PHIP: variants seen among roughly 807,000 people sequenced by gnomAD.
PHIP encodes PH-interacting protein.
In PHIP, 54 loss-of-function variants were observed where a neutral mutation model predicts 236.8. The observed-to-expected ratio is 0.23, with a 90% CI of 0.18 to 0.29. PHIP has a LOEUF of 0.29. Among genes scored for constraint, PHIP ranks in the 10% least tolerant of loss-of-function variants. PHIP has a pLI of 1.00. For missense variants in PHIP, 1,370 were observed against 2,190.8 expected (o/e 0.63, Z 7.48); for synonymous variants, 756 against 718.9 (o/e 1.05, Z -0.83).
chr6:78,993,491 T>TA (rs1308061088), intron 19 of PHIP, among the ~76,000 whole-genome samples: 1 of 152,240 alleles, frequency 6.6e-6, no homozygotes, highest in African/African-American at 2.4e-5. Context: ...TCTTAGGGGC[T>TA]AATACAGCTA....
intron 35 of PHIP, 140 bp from the exon 36 acceptor site, chr6:78,947,915 G>T: frequency 2.2e-6 from 1 of 460,514 alleles, no homozygotes; most frequent in South Asian, 6.6e-5. Context: ...CTTATCAAGA[G>T]TCCCTTTTTT....
chr6:78,994,485 G>A (rs1055900181), intron 19 of PHIP, among the ~76,000 whole-genome samples: 9 of 152,180 alleles, frequency 5.9e-5, no homozygotes, highest in Non-Finnish European at 7.3e-5. Context: ...GCTGAGGCAG[G>A]GGAATTGCTT....
At chr6:78,967,809 G>C (rs149393007) in intron 27 of PHIP, among the ~76,000 whole-genome samples, 2 of 151,942 alleles carry the variant, frequency 1.3e-5, no homozygotes, top group African/African-American at 4.8e-5. Flanking sequence ...TATTTGTTCC[G>C]CAATTTATTG....
At chr6:79,012,821 A>G (rs1770657495) in intron 15 of PHIP, among the ~76,000 whole-genome samples, 1 of 151,756 alleles carries the variant, frequency 6.6e-6, no homozygotes, top group East Asian at 1.9e-4. Flanking sequence ...GAAAAGAACA[A>G]AAGAGTGAAG....
At chr6:78,944,437 A>T (rs7740307) in intron 39 of PHIP, among the ~76,000 whole-genome samples, 51,145 of 152,074 alleles carry the variant, frequency 0.34, 8,771 homozygotes, top group Non-Finnish European at 0.35. Context: ...AAGACCAGTT[A>T]GGAAACTAGG....
At chr6:78,983,268 A>G (rs1275889430) in intron 22 of PHIP, 151 bp from the exon 23 acceptor site, 2 of 445,688 alleles carry the variant, frequency 4.5e-6, no homozygotes, top group Non-Finnish European at 7.7e-6. Flanking sequence ...ACTCATCTTC[A>G]AAAGTTTCTT....
chr6:79,056,425 TGTGACACATTAAAATG>T (rs1019195579), intron 6 of PHIP, among the ~76,000 whole-genome samples: 3 of 152,164 alleles, frequency 2.0e-5, no homozygotes, highest in Non-Finnish European at 4.4e-5. Flanking sequence ...GTCAGTCTTG[TGTGACACATTAAAATG>T]GTTGACACTA....
chr6:78,958,651 G>A (rs750593201), intron 31 of PHIP, 51 bp from the exon 32 acceptor site: 2 of 1,090,294 alleles, frequency 1.8e-6, no homozygotes, highest in African/African-American at 3.2e-5. Context: ...TTAGAAATAT[G>A]TGTACATCAT....
intron 4 of PHIP, among the ~76,000 whole-genome samples, chr6:79,065,403 T>C (rs1773574726): frequency 6.6e-6 from 1 of 152,112 alleles, no homozygotes; most frequent in East Asian, 1.9e-4. Context: ...TCCCAGTCCC[T>C]TTCCCCAACT....
chr6:79,056,343 G>T (rs907780942), intron 6 of PHIP, among the ~76,000 whole-genome samples: 3 of 152,170 alleles, frequency 2.0e-5, no homozygotes, highest in Non-Finnish European at 2.9e-5. Context: ...CTGATTCTAA[G>T]AACTGCCAAA....
At chr6:78,976,614 G>A (rs71539121) in intron 24 of PHIP, among the ~76,000 whole-genome samples, 62,231 of 140,998 alleles carry the variant, frequency 0.44, 14,211 homozygotes, top group East Asian at 0.68. Flanking sequence ...GAAAATTTTC[G>A]CAATCTACTC....
chr6:78,955,382 C>G, intron 33 of PHIP, 100 bp from the exon 34 acceptor site: 2 of 858,548 alleles, frequency 2.3e-6, no homozygotes, highest in Non-Finnish European at 3.7e-6. Context: ...ACTGGAACAC[C>G]TGTAATGTAT....
chr6:79,043,540 A>T (rs1035027516), intron 6 of PHIP, among the ~76,000 whole-genome samples: 2 of 152,126 alleles, frequency 1.3e-5, no homozygotes, highest in African/African-American at 4.8e-5. Context: ...TAAACTGGGA[A>T]TCTTGCCAAA....
chr6:79,042,763 GT>G (rs1355235977), intron 7 of PHIP, 79 bp downstream of exon 7: 7 of 1,060,232 alleles, frequency 6.6e-6, no homozygotes, highest in African/African-American at 1.7e-5. Context: ...AAAAAGCAAG[GT>G]TTTACTTCAA....
intron 15 of PHIP, among the ~76,000 whole-genome samples, chr6:79,013,228 G>A (rs1347190554): frequency 1.3e-5 from 2 of 151,594 alleles, no homozygotes; most frequent in Non-Finnish European, 3.0e-5. Context: ...AAAATATGTG[G>A]GAGCATTTTG....
chr6:78,946,878 T>C lies in PHIP; in HGVS notation c.4207-4A>G. On this transcript the variant is annotated splice_polypyrimidine_tract_variant and splice_region_variant and intron_variant, in intron 36 of 39. Coordinates refer to ENST00000275034, the MANE Select transcript of PHIP (RefSeq NM_017934.7). ...GGCGCAAACTCATGCTGTAAATCTGTGAGGGAAAAAAAAAAGTGTTCAACC... is the reference window on the plus strand; with the variant it reads ...GGCGCAAACTCATGCTGTAAATCTGCGAGGGAAAAAAAAAAGTGTTCAACC... 1 of 1,538,950 alleles carries C rather than the reference T, an allele frequency of 6.5e-7. No individual in the cohort carries two copies. Among genetic ancestry groups the C allele is most frequent in the Non-Finnish European group, 8.7e-7 (1 of 1,151,122 alleles).
intron 4 of PHIP, 60 bp from the exon 5 acceptor site, chr6:79,060,878 T>G (rs935031181): frequency 8.5e-7 from 1 of 1,175,706 alleles, no homozygotes; most frequent in Non-Finnish European, 1.2e-6. Flanking sequence ...TTCAAAATCT[T>G]TGAGCAACAA....
At position 78,991,115 on chromosome 6, in the gene PHIP, A is replaced by G. The variant is rs190018980; in HGVS notation, c.2202-130T>C. 2,084 of 620,930 alleles carry G rather than the reference A, an allele frequency of 3.4e-3. 1 individual carries two copies. The highest frequency in any genetic ancestry group is 4.8e-3 in the Non-Finnish European group (1,676 of 349,294). 38.5% of individuals were successfully genotyped at this position (620,930 alleles called of 1,614,324 possible). ...TTTAAGATGGAAGCATGTGATAAAG[A>G]TTTCTAAGTTTAATTTCATAGGTTG... is the stretch of plus-strand genomic sequence containing the variant. On this transcript the variant is annotated intron_variant, in intron 19 of 39. Coordinates refer to ENST00000275034, the MANE Select transcript of PHIP (RefSeq NM_017934.7).
At chr6:79,008,679 C>T (rs192819347) in intron 15 of PHIP, among the ~76,000 whole-genome samples, 42 of 152,184 alleles carry the variant, frequency 2.8e-4, no homozygotes, top group East Asian at 1.5e-3. Context: ...CCTGTCTCCA[C>T]GAGAAAGTAA....
Sources: allele counts gnomAD v4.1 joint callset (sites outside exome capture counted in the v4.1 genomes callset), GRCh38; gene constraint gnomAD v4.1.1; transcripts MANE v1.5; gene names NCBI Gene and HGNC (gene_info 2026-07-23, HGNC 2026-07-21).